CNBD1: variants seen among roughly 807,000 people sequenced by gnomAD.
CNBD1 encodes the protein cyclic nucleotide-binding domain-containing protein 1.
A neutral mutation model predicts 54.4 loss-of-function variants in CNBD1; 71 were observed. The observed-to-expected ratio is 1.30, with a 90% CI of 1.08 to 1.59. The LOEUF is 1.59. Among genes scored for constraint, CNBD1 ranks in the 40% most tolerant of loss-of-function variants. The pLI is 0.00. For synonymous variants in CNBD1, 182 were observed against 170.7 expected (o/e 1.07, Z -0.51); for missense variants, 659 against 518.0 (o/e 1.27, Z -2.64).
chr8:87,101,286 A>AAAAC (rs1443575213), intron 4 of CNBD1, among the ~76,000 whole-genome samples: 1 of 152,186 alleles, frequency 6.6e-6, no homozygotes, highest in Admixed American at 6.5e-5. Flanking sequence ...AACCAAAGGA[A>AAAAC]AAACATAATT....
intron 4 of CNBD1, among the ~76,000 whole-genome samples, chr8:86,992,634 C>A (rs1325464972): frequency 6.6e-6 from 1 of 151,994 alleles, no homozygotes; most frequent in African/African-American, 2.4e-5. Context: ...TTAACATTCC[C>A]TTAAGAGCCT....
intron 4 of CNBD1, among the ~76,000 whole-genome samples, chr8:87,050,443 C>A (rs1277202488): frequency 6.6e-6 from 1 of 152,152 alleles, no homozygotes; most frequent in East Asian, 1.9e-4. Context: ...TGGAGAATAT[C>A]ATCAGCATTG....
rs143229244 is a variant in CNBD1, at chr8:87,050,311, G to T, written c.431+110557G>T. 3.8e-3 allele frequency among the ~76,000 whole-genome samples: 586 copies of T among 152,232 alleles called. 3 individuals are homozygous for T. The highest frequency in any genetic ancestry group is 0.013 in the African/African-American group (529 of 41,530). Reference sequence around the variant, plus strand: ...GTTCCCTCTGACAGGAGTAAACCTAGGTACTTCACTGAGGTTTGACAAAGC... The same window carrying T: ...GTTCCCTCTGACAGGAGTAAACCTATGTACTTCACTGAGGTTTGACAAAGC... On this transcript the variant is annotated intron_variant, in intron 4 of 10. Transcript: ENST00000518476.
intron 8 of CNBD1, among the ~76,000 whole-genome samples, chr8:87,293,770 G>A (rs149858339): frequency 1.5e-4 from 23 of 152,274 alleles, no homozygotes; most frequent in African/African-American, 5.1e-4. Context: ...AACACACACA[G>A]TGGAAACTGA....
intron 3 of CNBD1, among the ~76,000 whole-genome samples, chr8:86,921,647 A>C (rs565786846): frequency 7.2e-5 from 11 of 152,244 alleles, no homozygotes; most frequent in African/African-American, 2.6e-4. Flanking sequence ...AAACCATCAG[A>C]TCTCCTGACA....
chr8:87,385,896 C>T (rs1811173955), downstream of CNBD1, among the ~76,000 whole-genome samples: 1 of 152,226 alleles, frequency 6.6e-6, no homozygotes, highest in South Asian at 2.1e-4. Context: ...ACTCACATGG[C>T]CGGGTACTCC....
At chr8:86,895,028 C>A (rs552398035) in intron 2 of CNBD1, among the ~76,000 whole-genome samples, 1 of 152,234 alleles carries the variant, frequency 6.6e-6, no homozygotes, top group African/African-American at 2.4e-5. Flanking sequence ...ACTAGACTTG[C>A]TTTATATCAA....
chr8:86,975,389 T>C (rs112686209), intron 4 of CNBD1, among the ~76,000 whole-genome samples: 3,190 of 151,926 alleles, frequency 0.021, 111 homozygotes, highest in African/African-American at 0.067. Context: ...ACTGTCCCCA[T>C]CCCCACCTTC....
intron 4 of CNBD1, among the ~76,000 whole-genome samples, chr8:87,182,000 G>C (rs1445547139): frequency 1.3e-5 from 2 of 152,156 alleles, no homozygotes; most frequent in African/African-American, 4.8e-5. Flanking sequence ...CACCCAGGTA[G>C]TGAGCATAGT....
intron 2 of CNBD1, among the ~76,000 whole-genome samples, chr8:87,414,800 C>T (rs1445171038): frequency 7.2e-5 from 11 of 151,768 alleles, no homozygotes; most frequent in Admixed American, 6.6e-4. Flanking sequence ...ATTTTTTTTA[C>T]AATTTAGTAT....
intron 4 of CNBD1, among the ~76,000 whole-genome samples, chr8:87,076,966 G>T (rs1348282077): frequency 1.3e-5 from 2 of 152,132 alleles, no homozygotes; most frequent in African/African-American, 4.8e-5. Context: ...TTTTGACTTT[G>T]TTGACATTAA....
At chr8:86,987,846 A>G (rs527854227) in intron 4 of CNBD1, among the ~76,000 whole-genome samples, 1 of 152,182 alleles carries the variant, frequency 6.6e-6, no homozygotes, top group Non-Finnish European at 1.5e-5. Context: ...AATAAAGCCT[A>G]CTTACTTGAT....
At chr8:87,392,393 A>G (rs114994799) in intron 2 of CNBD1, among the ~76,000 whole-genome samples, 2,871 of 152,128 alleles carry the variant, frequency 0.019, 92 homozygotes, top group African/African-American at 0.062. Context: ...ATAGCCAAAA[A>G]TCAGAAACAA....
At chr8:87,349,301 T>A (rs1054439622) in intron 8 of CNBD1, among the ~76,000 whole-genome samples, 2 of 152,024 alleles carry the variant, frequency 1.3e-5, no homozygotes, top group Non-Finnish European at 2.9e-5. Context: ...ACAATCAGGG[T>A]AGGGAGTAAT....
intron 8 of CNBD1, among the ~76,000 whole-genome samples, chr8:87,316,479 T>C (rs999444279): frequency 7.9e-5 from 12 of 152,050 alleles, no homozygotes; most frequent in Non-Finnish European, 1.2e-4. Flanking sequence ...ATGCAACATG[T>C]TTCAGGACTG....
chr8:87,067,434 A>T (rs1466270671), intron 4 of CNBD1, among the ~76,000 whole-genome samples: 6 of 151,974 alleles, frequency 3.9e-5, no homozygotes, highest in Non-Finnish European at 7.4e-5. Flanking sequence ...ACCGGGAAGC[A>T]TTTATTATAC....
chr8:87,363,882 G>T (rs1259097714), intron 10 of CNBD1, among the ~76,000 whole-genome samples: 1 of 151,292 alleles, frequency 6.6e-6, no homozygotes, highest in African/African-American at 2.4e-5. Flanking sequence ...GTCAATTTTG[G>T]CTTTTGTTGT....
chr8:87,414,015 T>C (rs1432336345), intron 2 of CNBD1, among the ~76,000 whole-genome samples: 2 of 152,028 alleles, frequency 1.3e-5, no homozygotes, highest in Non-Finnish European at 2.9e-5. Context: ...AGCCATCCCA[T>C]TACTGGGTAT....
intron 4 of CNBD1, among the ~76,000 whole-genome samples, chr8:87,099,428 T>C (rs1811385832): frequency 6.6e-6 from 1 of 152,194 alleles, no homozygotes; most frequent in Admixed American, 6.5e-5. Flanking sequence ...CACTTGGCTA[T>C]TGATTTAGGA....
Sources: allele counts gnomAD v4.1 joint callset (sites outside exome capture counted in the v4.1 genomes callset), GRCh38; gene constraint gnomAD v4.1.1; transcripts MANE v1.5; gene names NCBI Gene and HGNC (gene_info 2026-07-23, HGNC 2026-07-21).